Variants in CDC37L1 observed in about 807,000 individuals in gnomAD.
CDC37L1 encodes hsp90 co-chaperone Cdc37-like 1.
A neutral mutation model predicts 45.9 loss-of-function variants in CDC37L1; 32 were observed. The observed-to-expected ratio is 0.70, with a 90% CI of 0.53 to 0.94. The LOEUF (loss-of-function observed/expected upper bound fraction) is 0.94, where lower values mean the gene tolerates loss of function less well. Ranked by LOEUF, CDC37L1 falls within the 40% of genes least tolerant of loss-of-function variation. CDC37L1 has a pLI of 0.00. For synonymous variants in CDC37L1, 150 were observed against 133.0 expected (o/e 1.13, Z -0.88); for missense variants, 434 against 405.7 (o/e 1.07, Z -0.60).
chr9:4,696,985 T>A, intron 3 of CDC37L1, 111 bp from the exon 4 acceptor site: 1 of 604,376 alleles, frequency 1.7e-6, no homozygotes, highest in South Asian at 2.1e-5. Context: ...TTAAAGAGAA[T>A]CATTTAAAAA....
chr9:4,687,880 AT>A (rs1231722902), intron 2 of CDC37L1, among the ~76,000 whole-genome samples: 1 of 152,228 alleles, frequency 6.6e-6, no homozygotes, highest in African/African-American at 2.4e-5. Flanking sequence ...AACTATGCAT[AT>A]AAAATATAAA....
At chr9:4,699,035 T>C (rs1841374214) in intron 5 of CDC37L1, among the ~76,000 whole-genome samples, 1 of 152,190 alleles carries the variant, frequency 6.6e-6, no homozygotes, top group South Asian at 2.1e-4. Context: ...AGTTTTCATT[T>C]CTAACAGTAA....
Position 4,685,069 on chromosome 9 carries a change from G to A in CDC37L1, c.325G>A (p.Glu109Lys). 1.2e-6 allele frequency: 2 copies of A among 1,613,998 alleles called. No homozygotes were observed. Among genetic ancestry groups the A allele is most frequent in the Non-Finnish European group, 1.7e-6 (2 of 1,179,868 alleles). ...ATCAGAACTGAGGCAACGGGAAGAA[G>A]AGTGGCGACAGAAAGAAGAAGCTCT... ...AVSELRQREE[E>K]WRQKEEALVQ... Residue 109 changes from glutamate (E) to lysine (K), a missense_variant, in exon 2 of 7, where the codon GAG becomes AAG. Transcript: ENST00000381854.
rs1489668093 is a variant in CDC37L1 at position 4,701,902 on chromosome 9, A to G, written c.786A>G (p.Glu262=). Reference sequence around the variant, plus strand: ...GTTATTTTGAAGCATTCAAAAATGAACTTGAAGCTTTCAAGTCAAGAGTAA... The same window carrying G: ...GTTATTTTGAAGCATTCAAAAATGAGCTTGAAGCTTTCAAGTCAAGAGTAA... ...EEGYFEAFKN[E]LEAFKSRVRL... is the part of the protein sequence containing the mutation. Residue 262 remains glutamate, a synonymous_variant, in exon 6 of 7, where the codon GAA becomes GAG. Transcript: ENST00000381854. The G allele has an allele frequency of 6.2e-7, 1 of 1,606,030 alleles. No homozygotes were observed. Among genetic ancestry groups the G allele is most frequent in the Admixed American group, 1.7e-5 (1 of 58,434 alleles).
At chr9:4,703,320 ATAT>A (rs1451786835) in intron 6 of CDC37L1, 2 of 361,706 alleles carry the variant, frequency 5.5e-6, no homozygotes, top group Non-Finnish European at 9.7e-6. Context: ...CCAGTCAAAA[ATAT>A]TATTATCAGG....
At chr9:4,680,292 C>G (rs1563765770) in intron 1 of CDC37L1, among the ~76,000 whole-genome samples, 2 of 152,202 alleles carry the variant, frequency 1.3e-5, no homozygotes. Flanking sequence ...CTCTAGCATA[C>G]TTGTGCACAG....
In CDC37L1 at chr9:4,706,354, T is replaced by A. The variant is rs1841441784; in HGVS notation, c.*242T>A. The A allele has an allele frequency of 9.7e-6, 3 of 307,810 alleles. No homozygotes were observed. Among genetic ancestry groups the A allele is most frequent in the African/African-American group, 2.1e-5 (1 of 47,168 alleles). The allele number at this position is 307,810 out of a possible 1,614,324, so 19.1% of individuals were successfully genotyped here. A position where few individuals can be genotyped will look rare whatever the true frequency, so the allele number is the denominator to read the frequency against. ...GAAGTCAAACTGGACTTTTTGTGGC[T>A]ACTAAATTTGCTTTTAATCTTATTG... On this transcript the variant is annotated 3_prime_UTR_variant, in exon 7 of 7. Transcript: ENST00000381854.
intron 6 of CDC37L1, 129 bp downstream of exon 6, chr9:4,702,157 G>A (rs1841405105): frequency 2.2e-6 from 1 of 456,886 alleles, no homozygotes; most frequent in African/African-American, 2.1e-5. Flanking sequence ...GAAGATAACT[G>A]TTGAATCTTA....
Position 4,706,996 on chromosome 9 carries a change from A to G in CDC37L1, c.*884A>G, listed in dbSNP as rs1161004985. ...CTCATGTTGCCTTTTAATTTTTGTTATTTTGGTTTATTTTTTGATGTAGCC... is the reference window on the plus strand; with the variant it reads ...CTCATGTTGCCTTTTAATTTTTGTTGTTTTGGTTTATTTTTTGATGTAGCC... On this transcript the variant is annotated 3_prime_UTR_variant, in exon 7 of 7. Coordinates refer to ENST00000381854, the MANE Select transcript of CDC37L1 (RefSeq NM_017913.4). 1 of 151,752 alleles carries G rather than the reference A, an allele frequency of 6.6e-6. No homozygotes were observed. Among genetic ancestry groups the G allele is most frequent in the African/African-American group, 2.4e-5 (1 of 41,250 alleles). The allele number at this position is 151,752 out of a possible 1,614,324, so 9.4% of individuals were successfully genotyped here. A position where few individuals can be genotyped will look rare whatever the true frequency, so the allele number is the denominator to read the frequency against.
intron 3 of CDC37L1, among the ~76,000 whole-genome samples, chr9:4,691,994 C>G (rs992723640): frequency 6.6e-6 from 1 of 152,124 alleles, no homozygotes. Flanking sequence ...TTTCAGAGCA[C>G]ATCATCTTCA....
At chr9:4,682,404 G>A (rs1390866640) in intron 1 of CDC37L1, among the ~76,000 whole-genome samples, 1 of 147,954 alleles carries the variant, frequency 6.8e-6, no homozygotes, top group Non-Finnish European at 1.5e-5. Context: ...TCGGCTCACT[G>A]CAACCTCTGC....
Position 4,708,264 on chromosome 9 carries a change from CA to C in CDC37L1, c.*2154del, listed in dbSNP as rs1198559244. The C allele has an allele frequency of 2.6e-5, 4 of 152,108 alleles. No individual in the cohort carries two copies. Among genetic ancestry groups the C allele is most frequent in the Non-Finnish European group, 1.5e-5 (1 of 68,010 alleles). 9.4% of individuals were successfully genotyped at this position (152,108 alleles called of 1,614,324 possible). On this transcript the variant is annotated 3_prime_UTR_variant, in exon 7 of 7. Transcript: ENST00000381854. ...GGGATAATTTATATTTCAGGTTGGA[CA>C]ATTTACCCTAAACAAATTAAACCAT...
At chr9:4,693,376 G>A (rs1230099575) in intron 3 of CDC37L1, among the ~76,000 whole-genome samples, 1 of 152,048 alleles carries the variant, frequency 6.6e-6, no homozygotes, top group Non-Finnish European at 1.5e-5. Context: ...CCAGGAGGTT[G>A]AGGCTGCAAT....
At position 4,701,994 on chromosome 9, in the gene CDC37L1, T is replaced by C. The variant is rs1841402619; in HGVS notation, c.878T>C (p.Val293Ala). 2 of 1,533,190 alleles carry C rather than the reference T, an allele frequency of 1.3e-6. No homozygotes were observed. The highest frequency in any genetic ancestry group is 1.7e-6 in the Non-Finnish European group (2 of 1,144,520). 95.0% of individuals were successfully genotyped at this position (1,533,190 alleles called of 1,614,324 possible). The change falls in exon 6 of 7, where the codon GTT (valine) becomes GCT (alanine). Residue 293 changes from valine to alanine, a missense_variant. Coordinates refer to ENST00000381854, the MANE Select transcript of CDC37L1 (RefSeq NM_017913.4). ...CAGAATCATGTTCCCCATTCTGGTGTTGGATCTATAGGTTTATTAGAATCC... is the reference window on the plus strand; with the variant it reads ...CAGAATCATGTTCCCCATTCTGGTGCTGGATCTATAGGTTTATTAGAATCC... The part of the protein sequence containing the change: ...TVQNHVPHSG[V>A]GSIGLLESLP...
At chr9:4,698,268 A>T (rs933835144) in intron 5 of CDC37L1, among the ~76,000 whole-genome samples, 1 of 148,768 alleles carries the variant, frequency 6.7e-6, no homozygotes, top group African/African-American at 2.5e-5. Flanking sequence ...TTAATGAGAA[A>T]TCAGACTTTT....
In CDC37L1 at chr9:4,679,795, C is replaced by T. The variant is rs1353379196; in HGVS notation, c.28C>T (p.Pro10Ser). The stretch of plus-strand genomic sequence containing the variant: ...GGAACAACCGTGGCCGCCTCCGGGA[C>T]CCTGGAGCCTCCCTCGGGCCGAGGG... MEQPWPPPGPWSLPRAEGEA... is the reference protein window; with the variant it reads MEQPWPPPGSWSLPRAEGEA... Residue 10 changes from proline to serine, a missense_variant, in exon 1 of 7, where the codon CCC becomes TCC. Transcript: ENST00000381854. 3 of 1,613,476 alleles carry T rather than the reference C, an allele frequency of 1.9e-6. No homozygotes were observed. The highest frequency in any genetic ancestry group is 2.5e-6 in the Non-Finnish European group (3 of 1,179,764).
intron 1 of CDC37L1, among the ~76,000 whole-genome samples, chr9:4,682,122 A>G (rs1263668432): frequency 1.3e-5 from 2 of 151,174 alleles, no homozygotes; most frequent in African/African-American, 2.4e-5. Flanking sequence ...CTATTTATCC[A>G]TATTACCATA....
intron 6 of CDC37L1, among the ~76,000 whole-genome samples, chr9:4,704,521 T>C (rs1055973669): frequency 6.6e-6 from 1 of 152,198 alleles, no homozygotes; most frequent in African/African-American, 2.4e-5. Flanking sequence ...TTTTGGAGAA[T>C]CTCCTCAGCC....
intron 1 of CDC37L1, among the ~76,000 whole-genome samples, chr9:4,684,668 CAG>C (rs1226006487): frequency 2.6e-5 from 4 of 152,104 alleles, no homozygotes; most frequent in Admixed American, 2.0e-4. Context: ...TGTTAGTTGT[CAG>C]GGGATAGGCC....
Sources: gnomAD v4.1 joint callset for allele counts (sites outside exome capture counted in the v4.1 genomes callset) on GRCh38, gnomAD v4.1.1 for gene constraint, MANE v1.5 for transcripts, NCBI Gene and HGNC (gene_info 2026-07-23, HGNC 2026-07-21) for gene names.